Variants in KCP observed in about 807,000 individuals in gnomAD.
The protein encoded by KCP is kielin cysteine rich BMP regulator, also known as kielin/chordin-like protein.
In KCP, 194 loss-of-function variants were observed where a neutral mutation model predicts 212.7. The observed-to-expected ratio is 0.91, with a 90% CI of 0.81 to 1.03. The LOEUF (loss-of-function observed/expected upper bound fraction) is 1.03. KCP is among the 50% of genes least tolerant of loss of function. The probability of loss-of-function intolerance (pLI) is 0.00; values close to 1 mark genes in which losing one functional copy is unlikely to be tolerated. For synonymous variants in KCP, 833 were observed against 865.3 expected (o/e 0.96, Z 0.65); for missense variants, 2,080 against 2,162.5 (o/e 0.96, Z 0.76).
chr7:128,907,559 A>G lies in KCP; in HGVS notation c.220-106T>C, dbSNP rs548738339. ...GGCAGGATGAGAAAGAAGTTCGCCAATTCCAGAGCAGAGATGGGTCCCCCT... is the reference window on the plus strand; with the variant it reads ...GGCAGGATGAGAAAGAAGTTCGCCAGTTCCAGAGCAGAGATGGGTCCCCCT... On this transcript the variant is annotated intron_variant, in intron 2 of 39. Transcript: ENST00000610776. 50 of 745,958 alleles carry G rather than the reference A, an allele frequency of 6.7e-5. No homozygotes were observed. The African/African-American group carries it at 8.3e-4, about 12-fold the overall frequency. The allele number at this position is 745,958 out of a possible 1,614,324, so 46.2% of individuals were successfully genotyped here.
At chr7:128,898,037 T>C (rs899530591) in intron 8 of KCP, among the ~76,000 whole-genome samples, 8 of 152,118 alleles carry the variant, frequency 5.3e-5, no homozygotes, top group African/African-American at 1.9e-4. Context: ...AAATGTGTCA[T>C]AAAATGCCAC....
At chr7:128,900,909 A>T (rs1180547554) in intron 8 of KCP, among the ~76,000 whole-genome samples, 2 of 152,130 alleles carry the variant, frequency 1.3e-5, no homozygotes, top group African/African-American at 4.8e-5. Context: ...AACCAGAGCA[A>T]CTCCATCTTA....
chr7:128,894,697 C>T (rs1216531857), intron 8 of KCP, among the ~76,000 whole-genome samples: 1 of 152,152 alleles, frequency 6.6e-6, no homozygotes, highest in Non-Finnish European at 1.5e-5. Flanking sequence ...ACCTCCACCT[C>T]CTGGGTTCAA....
At chr7:128,893,586 T>C in intron 11 of KCP, 110 bp from the exon 12 acceptor site, 1 of 1,014,316 alleles carries the variant, frequency 9.9e-7, no homozygotes. Context: ...CCAGCCGAGT[T>C]CTCCAGGGCG....
chr7:128,884,631 A>C (rs1229692001), intron 28 of KCP, 150 bp downstream of exon 28: 1 of 750,780 alleles, frequency 1.3e-6, no homozygotes, highest in African/African-American at 1.7e-5. Flanking sequence ...GTTGGCCCCA[A>C]CCCTGCCTTG....
At chr7:128,890,827 G>A in intron 20 of KCP, 78 bp downstream of exon 20, 1 of 1,164,792 alleles carries the variant, frequency 8.6e-7, no homozygotes, top group South Asian at 2.4e-5. Flanking sequence ...CTGGAGGAAG[G>A]GGACTGGGCA....
chr7:128,896,816 G>C (rs1014121097), intron 8 of KCP, among the ~76,000 whole-genome samples: 1 of 150,466 alleles, frequency 6.6e-6, no homozygotes, highest in Non-Finnish European at 1.5e-5. Context: ...ACTTGAAACC[G>C]GGAGGCAGAA....
At chr7:128,899,873 A>T (rs148980793) in intron 8 of KCP, among the ~76,000 whole-genome samples, 1 of 131,370 alleles carries the variant, frequency 7.6e-6, no homozygotes, top group African/African-American at 4.3e-5. Flanking sequence ...TAAGGAATCA[A>T]ATTTGACTTG....
At position 128,877,555 on chromosome 7, in the gene KCP, G is replaced by T. The variant is rs755971268; in HGVS notation, c.4547C>A (p.Ala1516Asp). ...ACAGTGACTGGCGTAGGCTTCCAGG[G>T]CATCACAGAGGCAGGCATCAGCGGA... Reference protein sequence around the residue: ...GSSADACLCDALEAYASHCRQ... With the variant: ...GSSADACLCDDLEAYASHCRQ... Residue 1516 changes from alanine to aspartate, a missense_variant, in exon 39 of 40, where the codon GCC (alanine) becomes GAC (aspartate). By Grantham distance (126) the Ala-to-Asp change is moderately radical. Transcript: ENST00000610776. The T allele has an allele frequency of 3.2e-6, 5 of 1,551,436 alleles. No homozygotes were observed. In the East Asian group the frequency reaches 9.8e-5, roughly 30 times the overall value.
In KCP at chr7:128,884,796, T is replaced by G; in HGVS notation, c.3108A>C (p.Glu1036Asp). The G allele has an allele frequency of 6.4e-7, 1 of 1,551,028 alleles. No homozygotes were observed. ...CCTCACCTACCTCGCAGATGCACAC[T>G]TCACAGGGGTCTGCCCCAGGCTGGA... is the stretch of plus-strand genomic sequence containing the variant. ...ESFQPGADPCEVCICEPQPEG... is the reference protein window; with the variant it reads ...ESFQPGADPCDVCICEPQPEG... The change falls in exon 28 of 40, where the codon GAA becomes GAC. Residue 1036 changes from glutamate (E) to aspartate (D), a missense_variant. Transcript: ENST00000610776.
At chr7:128,887,184 G>C in intron 23 of KCP, 31 bp downstream of exon 23, 1 of 1,540,098 alleles carries the variant, frequency 6.5e-7, no homozygotes. Flanking sequence ...AGGGAGGAAA[G>C]GTTACCAAGG....
chr7:128,890,845 C>CCGGGGCGGGG, intron 20 of KCP, 60 bp downstream of exon 20: 12 of 1,197,644 alleles, frequency 1.0e-5, no homozygotes, highest in Non-Finnish European at 1.3e-5. Flanking sequence ...GCAGGGCGCT[C>CCGGGGCGGGG]CGGGGCGGGG....
chr7:128,879,174 A>C (rs1793166770), intron 37 of KCP: 3 of 366,984 alleles, frequency 8.2e-6, no homozygotes, highest in Admixed American at 4.2e-5. Flanking sequence ...GAGAGTTGGA[A>C]GGAACCTGAG....
In KCP at chr7:128,882,034, C is replaced by T. The variant is rs1396749520; in HGVS notation, c.3245-18G>A. On this transcript the variant is annotated intron_variant, in intron 29 of 39. Transcript: ENST00000610776. The stretch of plus-strand genomic sequence containing the variant: ...CAAGGCCTCTGTGAAGACAAGAATC[C>T]AGAGTGCGGGACAGAAAGAGGGGCA... 4 of 1,543,094 alleles carry T rather than the reference C, an allele frequency of 2.6e-6. No homozygotes were observed. In the African/African-American group the frequency reaches 5.5e-5, roughly 21 times the overall value.
chr7:128,893,744 C>T, intron 11 of KCP, 62 bp downstream of exon 11: 1 of 1,497,224 alleles, frequency 6.7e-7, no homozygotes, highest in African/African-American at 1.4e-5. Flanking sequence ...AAATCCCCCA[C>T]ACCTACAGCC....
At chr7:128,887,332 G>A (rs1264565071) in intron 22 of KCP, 32 bp from the exon 23 acceptor site, 11 of 1,501,828 alleles carry the variant, frequency 7.3e-6, no homozygotes, top group Middle Eastern at 2.0e-4. Context: ...CAGAAGAGCT[G>A]CCATCAACAG....
chr7:128,890,616 CGTGGGGGCT>C (rs1372914524), intron 20 of KCP, 103 bp from the exon 21 acceptor site: 1 of 147,358 alleles, frequency 6.8e-6, no homozygotes, highest in Non-Finnish European at 1.0e-5. Flanking sequence ...TCGTGGGGGC[CGTGGGGGCT>C]GGAGGTCGTG....
intron 21 of KCP, chr7:128,890,053 G>T (rs1271172559): frequency 7.1e-6 from 3 of 423,982 alleles, no homozygotes; most frequent in Non-Finnish European, 1.3e-5. Flanking sequence ...CTCCGGAGTA[G>T]ATGGAACTAC....
intron 22 of KCP, among the ~76,000 whole-genome samples, chr7:128,888,021 CCACACACACACATACA>C (rs1313941133): frequency 1.5e-5 from 2 of 131,592 alleles, no homozygotes; most frequent in Admixed American, 7.4e-5. Flanking sequence ...CCACACACAG[CCACACACACACATACA>C]CACACACACA....
Sources: gnomAD v4.1 joint callset for allele counts (sites outside exome capture counted in the v4.1 genomes callset) on GRCh38, gnomAD v4.1.1 for gene constraint, MANE v1.5 for transcripts, NCBI Gene and HGNC (gene_info 2026-07-23, HGNC 2026-07-21) for gene names.